The following PPARG variants were observed in gnomAD, a reference collection of about 807,000 sequenced individuals.
PPARG encodes peroxisome proliferator activated receptor gamma.
In PPARG, 17 loss-of-function variants were observed where a neutral mutation model predicts 39.2. The ratio of observed to expected loss-of-function variants is 0.43; its 90% confidence interval spans 0.30 to 0.65. The LOEUF is 0.65. Ranked by LOEUF, PPARG falls within the 30% of genes least tolerant of loss-of-function variation. PPARG has a pLI of 0.13. For missense variants in PPARG, 406 were observed against 585.9 expected, an observed-to-expected ratio of 0.69 and a Z score of 3.17; for synonymous variants, 223 against 215.7, an observed-to-expected ratio of 1.03 and a Z score of -0.30.
At chr3:12,397,023 T>G (rs1040206108) in intron 5 of PPARG, among the ~76,000 whole-genome samples, 2 of 152,132 alleles carry the variant, frequency 1.3e-5, no homozygotes, top group East Asian at 1.9e-4. Flanking sequence ...TAGAGAAGAA[T>G]TGACATGTTA....
At chr3:12,323,233 G>C (rs2125026117) in intron 2 of PPARG, among the ~76,000 whole-genome samples, 1 of 152,354 alleles carries the variant, frequency 6.6e-6, no homozygotes, top group South Asian at 2.1e-4. Context: ...ATTGGGAAGA[G>C]AGACTCTGTT....
intron 2 of PPARG, among the ~76,000 whole-genome samples, chr3:12,353,145 C>A (rs1221142004): frequency 1.3e-5 from 2 of 152,162 alleles, no homozygotes; most frequent in Non-Finnish European, 2.9e-5. Context: ...TTTGAATTTA[C>A]TCTGAGTTTA....
At chr3:12,339,857 TTTATTCAGCA>T (rs2048126277) in intron 2 of PPARG, among the ~76,000 whole-genome samples, 1 of 152,246 alleles carries the variant, frequency 6.6e-6, no homozygotes, top group Non-Finnish European at 1.5e-5. Context: ...ACAAAGCCCC[TTTATTCAGCA>T]TGGCATATGT....
chr3:12,332,265 A>G (rs1158977193), intron 2 of PPARG, among the ~76,000 whole-genome samples: 2 of 152,190 alleles, frequency 1.3e-5, no homozygotes, highest in Non-Finnish European at 2.9e-5. Flanking sequence ...CTTGGTAAAT[A>G]TGATAGGGTG....
At chr3:12,307,926 C>T (rs1003125670) in intron 1 of PPARG, among the ~76,000 whole-genome samples, 1 of 151,862 alleles carries the variant, frequency 6.6e-6, no homozygotes, top group African/African-American at 2.4e-5. Context: ...GAGCTGTAAG[C>T]AAGTAGATGT....
At position 12,395,324 on chromosome 3, in the gene PPARG, C is replaced by T. The variant is rs987116513; in HGVS notation, c.529+2572C>T. 4.6e-5 allele frequency among the ~76,000 whole-genome samples: 7 copies of T among 152,036 alleles called. No homozygotes were observed. The South Asian group carries it at 6.2e-4, about 14-fold the overall frequency. On this transcript the variant is annotated intron_variant, in intron 5 of 7. Transcript: ENST00000651735. ...AAGTTTTCACCTGTATGTTTTGGTA[C>T]GATAAAAATAAAAATGTAATTTATA... is the stretch of plus-strand genomic sequence containing the variant.
chr3:12,291,261 T>C (rs995423929), intron 1 of PPARG, among the ~76,000 whole-genome samples: 11 of 152,172 alleles, frequency 7.2e-5, no homozygotes, highest in Non-Finnish European at 1.3e-4. Flanking sequence ...TCTCTCTTAA[T>C]ATCCCAAAGC....
chr3:12,382,202 A>G (rs2049696723), intron 4 of PPARG, among the ~76,000 whole-genome samples: 1 of 152,162 alleles, frequency 6.6e-6, no homozygotes, highest in Non-Finnish European at 1.5e-5. Flanking sequence ...AATGTGAGCC[A>G]CATACACGGA....
intron 5 of PPARG, among the ~76,000 whole-genome samples, chr3:12,401,877 A>G (rs2050487568): frequency 6.6e-6 from 1 of 152,248 alleles, no homozygotes; most frequent in African/African-American, 2.4e-5. Context: ...ACTTCAACTT[A>G]CAAAAATACG....
chr3:12,362,459 G>A (rs963043070), intron 2 of PPARG, among the ~76,000 whole-genome samples: 10 of 151,980 alleles, frequency 6.6e-5, no homozygotes, highest in African/African-American at 2.4e-4. Flanking sequence ...GTGGACGTTG[G>A]AGTGAGCTAA....
At chr3:12,332,860 A>G (rs945337412) in intron 2 of PPARG, among the ~76,000 whole-genome samples, 7 of 152,164 alleles carry the variant, frequency 4.6e-5, no homozygotes, top group Admixed American at 1.3e-4. Flanking sequence ...GTGAGACCCC[A>G]TCTCTACAAA....
chr3:12,338,469 G>T (rs943236967), intron 2 of PPARG, among the ~76,000 whole-genome samples: 1 of 152,050 alleles, frequency 6.6e-6, no homozygotes, highest in African/African-American at 2.4e-5. Flanking sequence ...AATTTCTTAT[G>T]ATTCTCAGTG....
chr3:12,424,479 C>T (rs2051368614), intron 7 of PPARG, among the ~76,000 whole-genome samples: 1 of 152,144 alleles, frequency 6.6e-6, no homozygotes, highest in South Asian at 2.1e-4. Context: ...GAGGCTCAGT[C>T]GATCAGTCAG....
chr3:12,322,615 G>A (rs1311975019), intron 2 of PPARG, among the ~76,000 whole-genome samples: 5 of 152,170 alleles, frequency 3.3e-5, no homozygotes, highest in African/African-American at 1.2e-4. Flanking sequence ...GAAGAAGCTG[G>A]AAATTTTAAA....
intron 1 of PPARG, among the ~76,000 whole-genome samples, chr3:12,305,469 G>C (rs905877165): frequency 3.3e-5 from 5 of 152,112 alleles, no homozygotes; most frequent in Admixed American, 1.3e-4. Context: ...AAGCGTAATG[G>C]CTTGTTGAAT....
intron 2 of PPARG, among the ~76,000 whole-genome samples, chr3:12,356,251 T>C (rs2048662452): frequency 1.3e-5 from 2 of 152,214 alleles, no homozygotes; most frequent in Admixed American, 6.5e-5. Context: ...TTGTTTTTTG[T>C]TTTGGTAAAA....
intron 6 of PPARG, among the ~76,000 whole-genome samples, chr3:12,411,673 TTCCGTTTA>T (rs1411113852): frequency 6.6e-6 from 1 of 152,214 alleles, no homozygotes; most frequent in African/African-American, 2.4e-5. Flanking sequence ...TGTCTCTGGC[TTCCGTTTA>T]TCCATTAGTC....
chr3:12,371,071 G>A (rs2049194064), intron 2 of PPARG, among the ~76,000 whole-genome samples: 1 of 152,084 alleles, frequency 6.6e-6, no homozygotes, highest in African/African-American at 2.4e-5. Flanking sequence ...TGACTAATGT[G>A]TACACAAATT....
chr3:12,434,305 A>G lies in PPARG; in HGVS notation c.*160A>G. On this transcript the variant is annotated 3_prime_UTR_variant, in exon 8 of 8. Coordinates refer to ENST00000651735, the MANE Select transcript of PPARG (RefSeq NM_138711.6). This position sits in a 1 kb window ranked among gnomAD's most constrained non-coding sequence, Gnocchi z 4.2. Reference sequence around the variant, plus strand: ...GCATATTGTTTATAAAGACACATTTACAATTTACTTTTAATATTAAAAATT... The same window carrying G: ...GCATATTGTTTATAAAGACACATTTGCAATTTACTTTTAATATTAAAAATT... 8 of 939,030 alleles carry G rather than the reference A, an allele frequency of 8.5e-6. No individual in the cohort carries two copies. Among genetic ancestry groups the G allele is most frequent in the Non-Finnish European group, 1.1e-5 (7 of 625,080 alleles). 58.2% of individuals were successfully genotyped at this position (939,030 alleles called of 1,614,324 possible). A position where few individuals can be genotyped will look rare whatever the true frequency, so the allele number is the denominator to read the frequency against.
Sources: allele counts gnomAD v4.1 joint callset (sites outside exome capture counted in the v4.1 genomes callset), GRCh38; gene constraint gnomAD v4.1.1; non-coding constraint Gnocchi (gnomAD v3.1); transcripts MANE v1.5; gene names NCBI Gene and HGNC (gene_info 2026-07-23, HGNC 2026-07-21).